ZNF532: variants seen among roughly 807,000 people sequenced by gnomAD.
The protein encoded by ZNF532 is zinc finger protein 532.
In ZNF532, 22 loss-of-function variants were observed where a neutral mutation model predicts 89.3. The observed-to-expected ratio is 0.25, with a 90% confidence interval of 0.18 to 0.35. ZNF532 has a LOEUF of 0.35. Among genes scored for constraint, ZNF532 ranks in the 10% least tolerant of loss-of-function variants. The pLI is 1.00. For missense variants in ZNF532, 1,132 were observed against 1,643.4 expected (o/e 0.69, Z 5.38); for synonymous variants, 606 against 649.6 (o/e 0.93, Z 1.02).
chr18:58,966,739 T>C (rs1323448444), intron 7 of ZNF532, among the ~76,000 whole-genome samples: 4 of 72,928 alleles, frequency 5.5e-5, no homozygotes, highest in Middle Eastern at 4.9e-3. Context: ...TTTTTTTGTG[T>C]TTTTTTTTTT....
intron 2 of ZNF532, among the ~76,000 whole-genome samples, chr18:58,911,021 G>A (rs1405440635): frequency 3.9e-5 from 6 of 152,178 alleles, no homozygotes; most frequent in Non-Finnish European, 8.8e-5. Flanking sequence ...TGGAATCACA[G>A]TCATGAGCTA....
At chr18:58,877,300 T>C (rs909878552) in intron 2 of ZNF532, among the ~76,000 whole-genome samples, 2 of 152,172 alleles carry the variant, frequency 1.3e-5, no homozygotes, top group Non-Finnish European at 2.9e-5. Context: ...ACAGCCTCCA[T>C]TGGGTCCTTG....
chr18:58,898,002 TAACTC>T (rs1037538592), intron 2 of ZNF532, among the ~76,000 whole-genome samples: 8 of 152,318 alleles, frequency 5.3e-5, no homozygotes, highest in African/African-American at 1.9e-4. Context: ...GATTATTACT[TAACTC>T]CTTTCAACAA....
chr18:58,961,194 G>A (rs558993771), intron 7 of ZNF532, among the ~76,000 whole-genome samples: 2 of 152,312 alleles, frequency 1.3e-5, no homozygotes, highest in Admixed American at 6.5e-5. Context: ...GATGGAACCC[G>A]ATCATTTGCA....
rs970574073 is a variant in ZNF532, at chr18:58,950,406, A to G, written c.2868+2177A>G. ...TATGTTCTCATTTCATGTATGTTCT[A>G]TGCGTTTAAAAATATTATCCTGCAT... On this transcript the variant is annotated intron_variant, in intron 6 of 9. Transcript: ENST00000591808. Among the ~76,000 whole-genome samples the G allele has an allele frequency of 3.9e-5, 6 of 152,328 alleles. No homozygotes were observed. The South Asian group carries it at 8.3e-4, about 21-fold the overall frequency.
intron 2 of ZNF532, among the ~76,000 whole-genome samples, chr18:58,916,501 G>A (rs1000875723): frequency 5.3e-5 from 8 of 152,244 alleles, no homozygotes; most frequent in African/African-American, 1.9e-4. Flanking sequence ...CTCTGTTTCC[G>A]CAGGCGCCCC....
chr18:58,938,618 C>T (rs1032323911), intron 4 of ZNF532, among the ~76,000 whole-genome samples: 1 of 152,182 alleles, frequency 6.6e-6, no homozygotes, highest in Admixed American at 6.5e-5. Flanking sequence ...CTTCTCTATC[C>T]TGTGGACCAC....
At chr18:58,957,943 G>A (rs1407245682) in intron 7 of ZNF532, among the ~76,000 whole-genome samples, 1 of 151,788 alleles carries the variant, frequency 6.6e-6, no homozygotes, top group Non-Finnish European at 1.5e-5. Flanking sequence ...CAGGTGCCTT[G>A]TAATCCCAGC....
intron 7 of ZNF532, among the ~76,000 whole-genome samples, chr18:58,974,380 C>G (rs1041625206): frequency 2.0e-5 from 3 of 152,122 alleles, no homozygotes; most frequent in African/African-American, 7.2e-5. Flanking sequence ...TTGAGATCTT[C>G]CCTCCATTTC....
chr18:58,930,247 G>T (rs2061838172), intron 3 of ZNF532, among the ~76,000 whole-genome samples: 1 of 152,098 alleles, frequency 6.6e-6, no homozygotes, highest in Non-Finnish European at 1.5e-5. Context: ...TTCCTTAACT[G>T]GCCAGAATGT....
intron 9 of ZNF532, among the ~76,000 whole-genome samples, chr18:58,983,287 G>A (rs2068043407): frequency 6.6e-6 from 1 of 152,138 alleles, no homozygotes; most frequent in South Asian, 2.1e-4. Context: ...AGGGGAAATG[G>A]TGTGAAGGTG....
rs542786997 is a variant in ZNF532, at chr18:58,871,674, A to G, written c.-18+6095A>G. 3.9e-5 allele frequency among the ~76,000 whole-genome samples: 6 copies of G among 152,334 alleles called. No individual in the cohort carries two copies. In the South Asian group the frequency reaches 1.2e-3, roughly 32 times the overall value. ...TGGCGCCGTTCACGTTGGAGGTGAT[A>G]GCTGATGACTGCCAGCGTGAGAATA... On this transcript the variant is annotated intron_variant, in intron 2 of 9. Transcript: ENST00000591808.
At chr18:58,864,785 C>T (rs1445507210), upstream of ZNF532, 2 of 152,240 alleles carry the variant, frequency 1.3e-5, no homozygotes, top group African/African-American at 4.8e-5. Context: ...GCGAGGGTTG[C>T]CATAGCTTTT....
chr18:58,952,455 A>G (rs1341687528), intron 6 of ZNF532, among the ~76,000 whole-genome samples: 1 of 152,082 alleles, frequency 6.6e-6, no homozygotes, highest in Non-Finnish European at 1.5e-5. Flanking sequence ...CCCAGGCTAG[A>G]GTGCAGTGGT....
intron 9 of ZNF532, among the ~76,000 whole-genome samples, chr18:58,983,532 C>T (rs2147782405): frequency 6.6e-6 from 1 of 152,282 alleles, no homozygotes; most frequent in Admixed American, 6.5e-5. Context: ...CGTCAGGTCT[C>T]TTTTCAAATG....
intron 7 of ZNF532, among the ~76,000 whole-genome samples, chr18:58,970,149 C>T (rs1603321004): frequency 6.6e-6 from 1 of 152,042 alleles, no homozygotes; most frequent in African/African-American, 2.4e-5. Flanking sequence ...CTCCCAAAGT[C>T]CTGGGATTAC....
intron 2 of ZNF532, among the ~76,000 whole-genome samples, chr18:58,899,076 A>G (rs1602811647): frequency 6.6e-6 from 1 of 152,266 alleles, no homozygotes; most frequent in African/African-American, 2.4e-5. Flanking sequence ...GTGGGGATCC[A>G]TGCGTTCACA....
intron 2 of ZNF532, among the ~76,000 whole-genome samples, chr18:58,889,509 C>G (rs2058730165): frequency 6.6e-6 from 1 of 152,152 alleles, no homozygotes; most frequent in Non-Finnish European, 1.5e-5. Context: ...TTAAGAAATA[C>G]AAACTCTTGG....
chr18:58,959,064 C>T (rs1314107517), intron 7 of ZNF532, among the ~76,000 whole-genome samples: 1 of 152,046 alleles, frequency 6.6e-6, no homozygotes, highest in Non-Finnish European at 1.5e-5. Flanking sequence ...GTTATATGTA[C>T]CTGTTCAAAT....
Sources: allele counts gnomAD v4.1 joint callset (sites outside exome capture counted in the v4.1 genomes callset), GRCh38; gene constraint gnomAD v4.1.1; transcripts MANE v1.5; gene names NCBI Gene and HGNC (gene_info 2026-07-23, HGNC 2026-07-21).